The following NTM variants were observed in gnomAD, a reference collection of about 807,000 sequenced individuals.
NTM encodes the protein IgLON family member 2.
In NTM, 13 loss-of-function variants were observed where a neutral mutation model predicts 42.1. The observed-to-expected ratio is 0.31, with a 90% confidence interval of 0.20 to 0.49. The LOEUF (loss-of-function observed/expected upper bound fraction) is 0.49, where lower values mean the gene tolerates loss of function less well. NTM is among the 20% of genes least tolerant of loss of function. NTM has a pLI of 0.99. For missense variants in NTM, 373 were observed against 452.8 expected, an observed-to-expected ratio of 0.82 and a Z score of 1.60; for synonymous variants, 187 against 179.2, an observed-to-expected ratio of 1.04 and a Z score of -0.35.
chr11:131,974,366 C>CT (rs971780669), intron 2 of NTM, among the ~76,000 whole-genome samples: 2 of 152,148 alleles, frequency 1.3e-5, no homozygotes, highest in African/African-American at 2.4e-5. Flanking sequence ...TTTAGGCTAG[C>CT]TTTTTTTAAG....
chr11:132,331,838 C>T (rs539922885), intron 8 of NTM, among the ~76,000 whole-genome samples: 4 of 151,972 alleles, frequency 2.6e-5, no homozygotes, highest in Non-Finnish European at 4.4e-5. Context: ...ATATTTCGGA[C>T]GGAGGGGAGA....
At chr11:132,167,281 G>A (rs374199659) in intron 3 of NTM, among the ~76,000 whole-genome samples, 12 of 152,202 alleles carry the variant, frequency 7.9e-5, no homozygotes, top group African/African-American at 2.4e-4. Context: ...AGGTTGCCCA[G>A]GCTGGTCTTC....
chr11:132,102,516 T>G (rs2061748635), intron 2 of NTM, among the ~76,000 whole-genome samples: 1 of 152,202 alleles, frequency 6.6e-6, no homozygotes, highest in African/African-American at 2.4e-5. Context: ...TCACTTATTC[T>G]CAGGGTGGTG....
chr11:131,848,874 G>A (rs922414051), intron 1 of NTM, among the ~76,000 whole-genome samples: 1 of 152,054 alleles, frequency 6.6e-6, no homozygotes, highest in Admixed American at 6.6e-5. Context: ...CACAAACCAG[G>A]GAGTGTTATT....
intron 2 of NTM, among the ~76,000 whole-genome samples, chr11:132,004,653 C>CACAA (rs2070343409): frequency 7.3e-6 from 1 of 137,562 alleles, no homozygotes; most frequent in African/African-American, 2.8e-5. Context: ...CACACACACA[C>CACAA]AACACACACA....
intron 2 of NTM, among the ~76,000 whole-genome samples, chr11:132,117,779 T>C (rs1219085757): frequency 6.6e-6 from 1 of 152,214 alleles, no homozygotes; most frequent in Non-Finnish European, 1.5e-5. Flanking sequence ...ACTTTACTGC[T>C]CTGTTTCTGA....
Position 131,606,106 on chromosome 11 carries a change from C to A in NTM, c.82+235218C>A, listed in dbSNP as rs575514970. ...TCATTCAGGCTGGAGTGCAGTGGTG[C>A]CATCGCAGTTCACTGTAGCCTCAAC... is the stretch of plus-strand genomic sequence containing the variant. On this transcript the variant is annotated intron_variant, in intron 1 of 8. Transcript: ENST00000683400. Among the ~76,000 whole-genome samples the A allele has an allele frequency of 5.9e-5, 9 of 152,146 alleles. No homozygotes were observed. In the South Asian group the frequency reaches 1.9e-3, roughly 32 times the overall value.
At chr11:131,690,629 C>A (rs950364168) in intron 1 of NTM, among the ~76,000 whole-genome samples, 6 of 152,246 alleles carry the variant, frequency 3.9e-5, no homozygotes, top group Non-Finnish European at 8.8e-5. Context: ...TTCCCATCTG[C>A]AAGGTGTCAG....
chr11:132,139,994 G>A lies in NTM; in HGVS notation c.168-6288G>A, dbSNP rs575296193. 7.9e-5 allele frequency among the ~76,000 whole-genome samples: 12 copies of A among 152,268 alleles called. No homozygotes were observed. The South Asian group carries it at 1.5e-3, about 18-fold the overall frequency. ...GAGAAAGCAGTACATGTTATAGACT[G>A]TACAATAGGTTTATTTGTTGAATTT... On this transcript the variant is annotated intron_variant, in intron 2 of 8. Transcript: ENST00000683400.
At chr11:131,482,548 C>G (rs989284075) in intron 1 of NTM, among the ~76,000 whole-genome samples, 7 of 152,180 alleles carry the variant, frequency 4.6e-5, no homozygotes, top group African/African-American at 1.7e-4. Flanking sequence ...GATGTGTCCT[C>G]CCTCCATCAT....
chr11:131,962,309 C>T (rs1565833233), intron 2 of NTM, among the ~76,000 whole-genome samples: 1 of 152,164 alleles, frequency 6.6e-6, no homozygotes, highest in South Asian at 2.1e-4. Flanking sequence ...CAACCAAACA[C>T]ATTTCTAATG....
intron 1 of NTM, among the ~76,000 whole-genome samples, chr11:131,687,718 C>T (rs2074082970): frequency 6.6e-6 from 1 of 152,184 alleles, no homozygotes; most frequent in African/African-American, 2.4e-5. Context: ...CAAAACCATT[C>T]CACAGGAGTG....
chr11:131,944,237 G>T (rs2060112920), intron 2 of NTM, among the ~76,000 whole-genome samples: 2 of 152,190 alleles, frequency 1.3e-5, no homozygotes. Flanking sequence ...TTCTCCATTT[G>T]TTAAAATCAG....
intron 1 of NTM, among the ~76,000 whole-genome samples, chr11:131,815,879 G>T (rs529760271): frequency 6.6e-6 from 1 of 152,318 alleles, no homozygotes; most frequent in African/African-American, 2.4e-5. Context: ...TGTTGGCAGG[G>T]CTGGGTTGAG....
rs570245762 is a variant in NTM, at chr11:131,661,029, G to A, written c.83-250535G>A. ...AAAGAAACGGGGAAGGTGGGAAGAG[G>A]TGGAAATGGAAGGGCACAGGTAGGT... On this transcript the variant is annotated intron_variant, in intron 1 of 8. Coordinates refer to ENST00000683400, the MANE Select transcript of NTM (RefSeq NM_001352005.2). 265 of 1,304,614 alleles carry A rather than the reference G, an allele frequency of 2.0e-4. 1 individual carries two copies. Among genetic ancestry groups the A allele is most frequent in the Non-Finnish European group, 2.5e-4 (247 of 989,014 alleles). 80.8% of individuals were successfully genotyped at this position (1,304,614 alleles called of 1,614,324 possible). A position where few individuals can be genotyped will look rare whatever the true frequency, so the allele number is the denominator to read the frequency against.
chr11:132,042,345 G>A (rs2077318005), intron 2 of NTM, among the ~76,000 whole-genome samples: 1 of 152,206 alleles, frequency 6.6e-6, no homozygotes, highest in Non-Finnish European at 1.5e-5. Context: ...ATGCCCAAGG[G>A]ATGTTTATAC....
At chr11:132,280,540 C>G (rs1008373553) in intron 4 of NTM, among the ~76,000 whole-genome samples, 12 of 131,330 alleles carry the variant, frequency 9.1e-5, no homozygotes, top group African/African-American at 3.5e-4. Flanking sequence ...GGCTGGAGTG[C>G]AGTGGCATGT....
rs115438456 is a variant in NTM at position 131,413,396 on chromosome 11, G to A, written c.82+42508G>A. On this transcript the variant is annotated intron_variant, in intron 1 of 8. Coordinates refer to ENST00000683400, the MANE Select transcript of NTM (RefSeq NM_001352005.2). The stretch of plus-strand genomic sequence containing the variant: ...CCAGCCCACCCACTGTGGTGAAGCC[G>A]CCGGAGTGGTGTGAGTTGAGTACAA... 9.7e-3 allele frequency among the ~76,000 whole-genome samples: 1,484 copies of A among 152,284 alleles called. 28 individuals are homozygous for A. Among genetic ancestry groups the A allele is most frequent in the African/African-American group, 0.034 (1,421 of 41,546 alleles).
intron 1 of NTM, among the ~76,000 whole-genome samples, chr11:131,452,256 C>T (rs187975319): frequency 5.3e-5 from 8 of 152,350 alleles, no homozygotes; most frequent in Admixed American, 2.6e-4. Flanking sequence ...CCGAGCGCCC[C>T]GTGGCCTCCC....
Sources: allele counts gnomAD v4.1 joint callset (sites outside exome capture counted in the v4.1 genomes callset), GRCh38; gene constraint gnomAD v4.1.1; transcripts MANE v1.5; gene names NCBI Gene and HGNC (gene_info 2026-07-23, HGNC 2026-07-21).